The following SCN4B variants were observed in gnomAD, a reference collection of about 807,000 sequenced individuals.
The protein encoded by SCN4B is sodium channel regulatory subunit beta-4.
Under a neutral mutation model 19.6 loss-of-function variants are expected in SCN4B, and 20 were observed. That is an observed-to-expected ratio of 1.02 (90% CI 0.72 to 1.48). The LOEUF is 1.48. SCN4B is among the 40% of genes most tolerant of loss of function. The pLI is 0.00. For missense variants in SCN4B, 271 were observed against 287.5 expected (o/e 0.94, Z 0.42); for synonymous variants, 127 against 122.8 (o/e 1.03, Z -0.22).
intron 1 of SCN4B, among the ~76,000 whole-genome samples, chr11:118,149,253 C>T (rs536634715): frequency 6.6e-6 from 1 of 152,340 alleles, no homozygotes; most frequent in African/African-American, 2.4e-5. Flanking sequence ...ATCCAGGGAT[C>T]ACTCACAGCC....
Position 118,134,847 on chromosome 11 carries a change from A to G in SCN4B, c.*2180T>C, listed in dbSNP as rs1217557618. 1 of 454,074 alleles carries G rather than the reference A, an allele frequency of 2.2e-6. No homozygotes were observed. Among genetic ancestry groups the G allele is most frequent in the Admixed American group, 2.3e-5 (1 of 42,576 alleles). 28.1% of individuals were successfully genotyped at this position (454,074 alleles called of 1,614,324 possible). Reference sequence around the variant, plus strand: ...TAGACAAAACTTGCCAAGCCTCACAACAGTCCTGTGAGGTAGGTAAGTATT... The same window carrying G: ...TAGACAAAACTTGCCAAGCCTCACAGCAGTCCTGTGAGGTAGGTAAGTATT... On this transcript the variant is annotated 3_prime_UTR_variant, in exon 5 of 5. Transcript: ENST00000324727.
rs1948201512 is a variant in SCN4B at position 118,148,217 on chromosome 11, G to C, written c.62-2988C>G. On this transcript the variant is annotated intron_variant, in intron 1 of 4. Transcript: ENST00000324727. The surrounding 1 kb of genome is among the most constrained non-coding windows in gnomAD (Gnocchi z 4.0). ...GCCCTGCCCGAGTGAAAGCATCAGA[G>C]AGGGTGGGCAAGCCTGGCTTCTTCA... Among the ~76,000 whole-genome samples, 1 of 152,354 alleles carries C rather than the reference G, an allele frequency of 6.6e-6. No individual in the cohort carries two copies. The highest frequency in any genetic ancestry group is 1.9e-4 in the East Asian group (1 of 5,182).
chr11:118,143,948 A>G lies in SCN4B; in HGVS notation c.348T>C (p.Ile116=), dbSNP rs144127307. Residue 116 remains isoleucine, a synonymous_variant, in exon 3 of 5, where the codon ATT becomes ATC. Transcript: ENST00000324727. ...STKEKMNNIS[I]VLRDLEFSDT... The stretch of plus-strand genomic sequence containing the variant: ...CGCTGAACTCCAGGTCCCTCAGCAC[A>G]ATGGAAATGTTGTTCATCTTCTCCT... 9 of 1,614,108 alleles carry G rather than the reference A, an allele frequency of 5.6e-6. No individual in the cohort carries two copies. In the African/African-American group the frequency reaches 1.2e-4, roughly 22 times the overall value.
intron 1 of SCN4B, among the ~76,000 whole-genome samples, chr11:118,150,964 C>T (rs1948227881): frequency 6.6e-6 from 1 of 152,196 alleles, no homozygotes; most frequent in Non-Finnish European, 1.5e-5. Flanking sequence ...TCTGCTTTCT[C>T]CTGGGCTCCC....
At chr11:118,145,403 A>T in intron 1 of SCN4B, 174 bp from the exon 2 acceptor site, 2 of 1,526,004 alleles carry the variant, frequency 1.3e-6, no homozygotes, top group African/African-American at 2.7e-5. Flanking sequence ...GCCACCCTCC[A>T]TCATTCTCCA....
At chr11:118,146,649 T>A (rs1948180376) in intron 1 of SCN4B, among the ~76,000 whole-genome samples, 1 of 152,180 alleles carries the variant, frequency 6.6e-6, no homozygotes, top group South Asian at 2.1e-4. Flanking sequence ...CAAAGTGAAG[T>A]GCTTATATCC....
At position 118,152,802 on chromosome 11, in the gene SCN4B, G is replaced by A. The variant is rs1948248024; in HGVS notation, c.-129C>T. On this transcript the variant is annotated 5_prime_UTR_variant, in exon 1 of 5. Transcript: ENST00000324727. ...GCTCTGCGCCGCCGGTCGGGGCTCG[G>A]GAAAGTTAGCGGGCAGAGAGCGAGA... is the stretch of plus-strand genomic sequence containing the variant. 1.5e-6 allele frequency: 1 copy of A among 651,826 alleles called. No homozygotes were observed. Among genetic ancestry groups the A allele is most frequent in the African/African-American group, 1.9e-5 (1 of 53,924 alleles). 40.4% of individuals were successfully genotyped at this position (651,826 alleles called of 1,614,324 possible).
chr11:118,139,842 C>A (rs75439124), intron 4 of SCN4B, among the ~76,000 whole-genome samples: 3,972 of 151,234 alleles, frequency 0.026, 165 homozygotes, highest in African/African-American at 0.09. Context: ...TTTTCCAGAG[C>A]AATCTCCTGT....
At chr11:118,142,000 G>A (rs574879580) in intron 3 of SCN4B, 2 of 152,728 alleles carry the variant, frequency 1.3e-5, no homozygotes, top group African/African-American at 4.8e-5. Context: ...TTATTCAAAC[G>A]CTTTATCCAA....
intron 1 of SCN4B, among the ~76,000 whole-genome samples, chr11:118,147,125 G>A (rs887678276): frequency 6.6e-6 from 1 of 152,198 alleles, no homozygotes; most frequent in Admixed American, 6.5e-5. Context: ...AATGCTGTGC[G>A]CAGGGACCAC....
intron 1 of SCN4B, among the ~76,000 whole-genome samples, chr11:118,151,680 C>T (rs1437769302): frequency 6.6e-6 from 1 of 152,182 alleles, no homozygotes; most frequent in African/African-American, 2.4e-5. Context: ...TGTGTCTTAC[C>T]CAATGCAGGG....
intron 1 of SCN4B, among the ~76,000 whole-genome samples, chr11:118,151,964 G>A (rs1948236802): frequency 6.6e-6 from 1 of 152,214 alleles, no homozygotes; most frequent in Non-Finnish European, 1.5e-5. Flanking sequence ...AGGTCAAACA[G>A]GTCTTCCCTA....
In SCN4B at chr11:118,141,247, T is replaced by C; in HGVS notation, c.553A>G (p.Lys185Glu). 6.2e-7 allele frequency: 1 copy of C among 1,612,916 alleles called. No homozygotes were observed. Among genetic ancestry groups the C allele is most frequent in the Middle Eastern group, 2.0e-4 (1 of 5,104 alleles). The change falls in exon 4 of 5, where the codon AAA becomes GAA. Residue 185 changes from lysine (K) to glutamate (E), a missense_variant. By Grantham distance (56) the Lys-to-Glu change is moderately conservative (BLOSUM62 1). Transcript: ENST00000324727. ...GLLILILLIK[K>E]LIIFILKKTR... is the part of the protein sequence containing the mutation. ...TTCTTCAGGATGAAGATGATGAGTT[T>C]CTTGATCAGCAGGATGAGGATGAGG... is the stretch of plus-strand genomic sequence containing the variant.
rs1245844782 is a variant in SCN4B at position 118,148,950 on chromosome 11, A to G, written c.61+3663T>C. On this transcript the variant is annotated intron_variant, in intron 1 of 4. Coordinates refer to ENST00000324727, the MANE Select transcript of SCN4B (RefSeq NM_174934.4). This position sits in a 1 kb window ranked among gnomAD's most constrained non-coding sequence, Gnocchi z 4.0. Reference sequence around the variant, plus strand: ...GTGGAATTGAGGAACAACTCTTCCCAGTCCTGATCCTGTGGAATTCCATCC... The same window carrying G: ...GTGGAATTGAGGAACAACTCTTCCCGGTCCTGATCCTGTGGAATTCCATCC... 2.0e-5 allele frequency among the ~76,000 whole-genome samples: 3 copies of G among 152,134 alleles called. No individual in the cohort carries two copies. Among genetic ancestry groups the G allele is most frequent in the Non-Finnish European group, 4.4e-5 (3 of 68,032 alleles).
In SCN4B at chr11:118,145,064, AATGCGTC is replaced by A; in HGVS notation, c.220_226del (p.Asp74SerfsTer5). 1 of 1,614,022 alleles carries A rather than the reference AATGCGTC, an allele frequency of 6.2e-7. No individual in the cohort carries two copies. The highest frequency in any genetic ancestry group is 1.3e-5 in the African/African-American group (1 of 75,006). ...CTTCCTCCAAATACTTACAATCTTG[AATGCGTC>A]ACTGCTGTTGTAGGTCCACCGGAAG... On this transcript the variant is annotated frameshift_variant, in exon 2 of 5. Coordinates refer to ENST00000324727, the MANE Select transcript of SCN4B (RefSeq NM_174934.4). LOFTEE classifies it high-confidence loss of function.
At chr11:118,137,164 G>C (rs771651302) in intron 4 of SCN4B, 44 bp from the exon 5 acceptor site, 1 of 1,410,966 alleles carries the variant, frequency 7.1e-7, no homozygotes, top group South Asian at 1.2e-5. Flanking sequence ...AGAGGAGCAA[G>C]AGTAGGGGGA....
At chr11:118,137,258 T>G (rs1001567765) in intron 4 of SCN4B, 138 bp from the exon 5 acceptor site, 2 of 709,238 alleles carry the variant, frequency 2.8e-6, no homozygotes, top group Admixed American at 4.0e-5. Flanking sequence ...CCAGAGGCCA[T>G]GTCACCTAAC....
At position 118,135,092 on chromosome 11, in the gene SCN4B, A is replaced by G. The variant is rs778015180; in HGVS notation, c.*1935T>C. ...AGGAAGAAGAAAACAGTTTTGCATG[A>G]AGGTAGCTATAAGAAGTTTTCTGAA... On this transcript the variant is annotated 3_prime_UTR_variant, in exon 5 of 5. Transcript: ENST00000324727. The G allele has an allele frequency of 4.4e-6, 2 of 454,132 alleles. No homozygotes were observed. The highest frequency in any genetic ancestry group is 3.1e-5 in the South Asian group (2 of 64,474). 28.1% of individuals were successfully genotyped at this position (454,132 alleles called of 1,614,324 possible).
intron 1 of SCN4B, among the ~76,000 whole-genome samples, chr11:118,145,940 G>T (rs894600954): frequency 6.6e-6 from 1 of 152,228 alleles, no homozygotes; most frequent in Non-Finnish European, 1.5e-5. Flanking sequence ...GAACACGGCG[G>T]GGGTGGGGAC....
Sources: gnomAD v4.1 joint callset for allele counts (sites outside exome capture counted in the v4.1 genomes callset) on GRCh38, gnomAD v4.1.1 for gene constraint, Gnocchi (gnomAD v3.1) non-coding constraint, MANE v1.5 for transcripts, NCBI Gene and HGNC (gene_info 2026-07-23, HGNC 2026-07-21) for gene names.